The following ZDHHC9 variants were observed in gnomAD, a reference collection of about 807,000 sequenced individuals.
ZDHHC9 encodes the protein zDHHC palmitoyltransferase 9, also known as palmitoyltransferase ZDHHC9.
In ZDHHC9, 3 loss-of-function variants were observed where a neutral mutation model predicts 26.6. The observed-to-expected ratio is 0.11, with a 90% CI of 0.05 to 0.29. The LOEUF (loss-of-function observed/expected upper bound fraction) is 0.29. Among genes scored for constraint, ZDHHC9 ranks in the 10% least tolerant of loss-of-function variants. ZDHHC9 has a pLI of 1.00. For synonymous variants in ZDHHC9, 111 were observed against 109.4 expected (o/e 1.01, Z -0.09); for missense variants, 146 against 296.4 (o/e 0.49, Z 3.73).
At chrX:129,840,569 C>T (rs1928357191) in intron 3 of ZDHHC9, among the ~76,000 whole-genome samples, 1 of 111,815 alleles carries the variant, frequency 8.9e-6, no homozygotes, top group African/African-American at 3.3e-5. Context: ...AGCAACCTGC[C>T]TGACTTCACT....
In ZDHHC9 at chrX:129,823,950, C is replaced by G. The variant is rs1927951619; in HGVS notation, c.329-113G>C. ...TTCAAAGGTTCCCCAAGCCCCCTGT[C>G]TTTTATAGACTAGACACTCAACATC... On this transcript the variant is annotated intron_variant, in intron 4 of 10. Coordinates refer to ENST00000357166, the MANE Select transcript of ZDHHC9 (RefSeq NM_016032.4). The G allele has an allele frequency of 2.0e-5, 13 of 654,129 alleles. No individual in the cohort carries two copies. The South Asian group carries it at 2.9e-4, about 15-fold the overall frequency. The allele number at this position is 654,129 out of a possible 1,213,427, so 53.9% of individuals were successfully genotyped here. A position where few individuals can be genotyped will look rare whatever the true frequency, so the allele number is the denominator to read the frequency against.
chrX:129,823,167 TAAA>T (rs1927929956), intron 5 of ZDHHC9: 1 of 118,075 alleles, frequency 8.5e-6, no homozygotes. Context: ...TCCTCATCCG[TAAA>T]ATGGGGATAA....
chrX:129,824,180 A>G (rs1356329019), intron 4 of ZDHHC9, among the ~76,000 whole-genome samples: 22 of 112,478 alleles, frequency 2.0e-4, no homozygotes, highest in Non-Finnish European at 5.6e-5. Flanking sequence ...ATTTTTACCT[A>G]TCATATTAAA....
At chrX:129,822,582 A>G (rs761472162) in intron 5 of ZDHHC9, among the ~76,000 whole-genome samples, 1 of 111,331 alleles carries the variant, frequency 9.0e-6, no homozygotes, top group African/African-American at 3.3e-5. Flanking sequence ...AAACCTGCAC[A>G]TTCTGCACAC....
At chrX:129,826,836 G>C (rs948710692) in intron 4 of ZDHHC9, among the ~76,000 whole-genome samples, 1 of 111,786 alleles carries the variant, frequency 8.9e-6, no homozygotes, top group Non-Finnish European at 1.9e-5. Flanking sequence ...ACTAAAACAG[G>C]CTGGAATTTT....
intron 3 of ZDHHC9, among the ~76,000 whole-genome samples, chrX:129,836,939 T>C (rs1438012944): frequency 3.6e-5 from 4 of 112,308 alleles, no homozygotes; most frequent in African/African-American, 1.3e-4. Flanking sequence ...TACTAAAGCA[T>C]GTGTGTTTGA....
chrX:129,831,017 G>A (rs1320021922), intron 3 of ZDHHC9, among the ~76,000 whole-genome samples: 2 of 111,354 alleles, frequency 1.8e-5, no homozygotes, highest in Admixed American at 1.9e-4. Context: ...AAAAGCCAAG[G>A]GTTGGGGGAA....
intron 10 of ZDHHC9, among the ~76,000 whole-genome samples, chrX:129,810,541 A>G (rs1353549557): frequency 9.0e-6 from 1 of 111,424 alleles, no homozygotes; most frequent in Non-Finnish European, 1.9e-5. Context: ...CTTTGCCCCT[A>G]TAGCATTTTA....
rs146414993 is a variant in ZDHHC9 at position 129,816,495 on chromosome X, C to A, written c.488-1700G>T. On this transcript the variant is annotated intron_variant, in intron 5 of 10. Coordinates refer to ENST00000357166, the MANE Select transcript of ZDHHC9 (RefSeq NM_016032.4). ...GTACAAAACTGCATTGTTCAAGAGT[C>A]GACTGCACATAAAACAAAAACAAAA... Among the ~76,000 whole-genome samples, 472 of 110,250 alleles carry A rather than the reference C, an allele frequency of 4.3e-3. 2 individuals carry two copies. Among genetic ancestry groups the A allele is most frequent in the African/African-American group, 0.015 (447 of 30,364 alleles).
At chrX:129,830,224 G>A (rs1197646271) in intron 3 of ZDHHC9, among the ~76,000 whole-genome samples, 3 of 111,582 alleles carry the variant, frequency 2.7e-5, no homozygotes. Flanking sequence ...TAGTCTTATT[G>A]GACTGGGAAT....
At chrX:129,816,434 A>G (rs949718867) in intron 5 of ZDHHC9, among the ~76,000 whole-genome samples, 3 of 106,479 alleles carry the variant, frequency 2.8e-5, no homozygotes, top group African/African-American at 7.0e-5. Context: ...TATTTATTGG[A>G]AAAAAAAAAC....
Position 129,803,369 on chromosome X carries a change from C to A in ZDHHC9, c.*3001G>T, listed in dbSNP as rs1602938036. 1 of 112,518 alleles carries A rather than the reference C, an allele frequency of 8.9e-6. No homozygotes were observed. The highest frequency in any genetic ancestry group is 2.8e-4 in the East Asian group (1 of 3,627). The allele number at this position is 112,518 out of a possible 1,213,427, so 9.3% of individuals were successfully genotyped here. On this transcript the variant is annotated 3_prime_UTR_variant, in exon 11 of 11. Coordinates refer to ENST00000357166, the MANE Select transcript of ZDHHC9 (RefSeq NM_016032.4). ...TGGCTTCCCCCCAAAAGAAAGATTT[C>A]TTTATTAAGAAATACCAGAGAGTGA...
rs776103974 is a variant in ZDHHC9 at position 129,804,130 on chromosome X, T to G, written c.*2240A>C. ...GACCTAAGGGTCCTCAGGAGAACAC[T>G]TGAGGTAAGGTGAGGGAGGAGAGAG... On this transcript the variant is annotated 3_prime_UTR_variant, in exon 11 of 11. Transcript: ENST00000357166. The G allele has an allele frequency of 9.0e-6, 1 of 111,394 alleles. No homozygotes were observed. The highest frequency in any genetic ancestry group is 1.9e-5 in the Non-Finnish European group (1 of 52,994). The allele number at this position is 111,394 out of a possible 1,213,427, so 9.2% of individuals were successfully genotyped here.
At chrX:129,815,668 T>C (rs1480787643) in intron 5 of ZDHHC9, among the ~76,000 whole-genome samples, 3 of 111,251 alleles carry the variant, frequency 2.7e-5, no homozygotes, top group African/African-American at 9.8e-5. Context: ...ACCATAAATA[T>C]ATATACCTAC....
At position 129,843,304 on chromosome X, in the gene ZDHHC9, G is replaced by C. The variant is rs1373363914; in HGVS notation, c.-181C>G. 1 of 112,893 alleles carries C rather than the reference G, an allele frequency of 8.9e-6. No individual in the cohort carries two copies. Among genetic ancestry groups the C allele is most frequent in the East Asian group, 2.8e-4 (1 of 3,556 alleles). The allele number at this position is 112,893 out of a possible 1,213,427, so 9.3% of individuals were successfully genotyped here. A position where few individuals can be genotyped will look rare whatever the true frequency, so the allele number is the denominator to read the frequency against. On this transcript the variant is annotated 5_prime_UTR_variant, in exon 2 of 11. Coordinates refer to ENST00000357166, the MANE Select transcript of ZDHHC9 (RefSeq NM_016032.4). ...GATAAACCGGCCCAGCGGGAGAAGG[G>C]AGACCAGGAAGGGGGAGCCGGCCTG...
At chrX:129,840,212 A>G (rs1157282811) in intron 3 of ZDHHC9, among the ~76,000 whole-genome samples, 1 of 108,303 alleles carries the variant, frequency 9.2e-6, no homozygotes, top group East Asian at 2.9e-4. Flanking sequence ...TGGGCCCAGA[A>G]CTACCAACTA....
At chrX:129,839,895 A>G (rs1737877) in intron 3 of ZDHHC9, among the ~76,000 whole-genome samples, 12,985 of 110,962 alleles carry the variant, frequency 0.12, 1,340 homozygotes, top group East Asian at 0.43. Context: ...CTTCAAAAAT[A>G]TTTAGTCTTT....
chrX:129,839,584 T>C (rs1433526855), intron 3 of ZDHHC9, among the ~76,000 whole-genome samples: 3 of 109,441 alleles, frequency 2.7e-5, no homozygotes, highest in South Asian at 3.9e-4. Context: ...CAGGAAATTA[T>C]AGATGCCAAA....
chrX:129,813,817 C>G, intron 6 of ZDHHC9, 92 bp from the exon 7 acceptor site: 1 of 847,783 alleles, frequency 1.2e-6, no homozygotes, highest in Non-Finnish European at 1.7e-6. Context: ...CCTTCCCTCC[C>G]TCTCCCGTGT....
Sources: allele counts gnomAD v4.1 joint callset (sites outside exome capture counted in the v4.1 genomes callset), GRCh38; gene constraint gnomAD v4.1.1; transcripts MANE v1.5; gene names NCBI Gene and HGNC (gene_info 2026-07-23, HGNC 2026-07-21).